Variants in SNTG1 observed in about 807,000 individuals in gnomAD.
SNTG1 encodes the protein syntrophin gamma 1, also known as gamma-1-syntrophin.
Under a neutral mutation model 74.7 loss-of-function variants are expected in SNTG1, and 39 were observed. The observed-to-expected ratio is 0.52, with a 90% CI of 0.40 to 0.68. The LOEUF (loss-of-function observed/expected upper bound fraction) is 0.68, where lower values mean the gene tolerates loss of function less well. SNTG1 is among the 30% of genes least tolerant of loss of function. The pLI, the probability that SNTG1 is intolerant of heterozygous loss-of-function variation, is 0.00. For missense variants in SNTG1, 685 were observed against 609.5 expected (o/e 1.12, Z -1.30); for synonymous variants, 254 against 217.1 (o/e 1.17, Z -1.49).
intron 2 of SNTG1, among the ~76,000 whole-genome samples, chr8:50,342,715 T>C (rs1204258990): frequency 2.0e-5 from 3 of 152,150 alleles, no homozygotes; most frequent in Non-Finnish European, 4.4e-5. Context: ...AGAGGACTAC[T>C]CTTCAAATAA....
At chr8:50,747,402 G>T (rs185709741) in intron 17 of SNTG1, among the ~76,000 whole-genome samples, 365 of 149,842 alleles carry the variant, frequency 2.4e-3, no homozygotes, top group Non-Finnish European at 4.5e-3. Flanking sequence ...AACTAAGGGT[G>T]CCTCAGAAAT....
chr8:50,364,908 T>A (rs1475284697), intron 2 of SNTG1, among the ~76,000 whole-genome samples: 1 of 152,078 alleles, frequency 6.6e-6, no homozygotes. Context: ...AATATAATTT[T>A]ATTTTTTCAA....
chr8:50,699,435 G>T (rs903386650), intron 15 of SNTG1, among the ~76,000 whole-genome samples: 1 of 152,052 alleles, frequency 6.6e-6, no homozygotes, highest in Non-Finnish European at 1.5e-5. Context: ...TATGTGCAAA[G>T]TGTGATTGTC....
intron 1 of SNTG1, among the ~76,000 whole-genome samples, chr8:49,950,577 A>G (rs1356231081): frequency 6.6e-6 from 1 of 152,232 alleles, no homozygotes; most frequent in Non-Finnish European, 1.5e-5. Flanking sequence ...TATACTAATT[A>G]CTGTGCTAAT....
chr8:50,387,862 G>C (rs1169281551), intron 2 of SNTG1, among the ~76,000 whole-genome samples: 3 of 152,062 alleles, frequency 2.0e-5, no homozygotes, highest in Non-Finnish European at 2.9e-5. Context: ...TTGTTTTTAG[G>C]ACAACCACCT....
chr8:50,679,559 C>A (rs7844242), intron 15 of SNTG1, among the ~76,000 whole-genome samples: 9,020 of 152,016 alleles, frequency 0.059, 874 homozygotes, highest in African/African-American at 0.21. Flanking sequence ...TAAATGCTAC[C>A]CTTGAAGTGA....
intron 13 of SNTG1, among the ~76,000 whole-genome samples, chr8:50,615,173 G>C (rs1419757085): frequency 6.6e-6 from 1 of 152,040 alleles, no homozygotes; most frequent in African/African-American, 2.4e-5. Context: ...GTTTAGCCAG[G>C]ATGGTCTCGA....
Position 50,461,156 on chromosome 8 carries a change from G to GGTGTGTGT in SNTG1, c.363+10469_363+10476dup, listed in dbSNP as rs71233496. 3.6e-3 allele frequency among the ~76,000 whole-genome samples: 441 copies of GGTGTGTGT among 124,162 alleles called. 2 individuals are homozygous for GGTGTGTGT. Among genetic ancestry groups the GGTGTGTGT allele is most frequent in the African/African-American group, 8.2e-3 (273 of 33,186 alleles). 81.5% of individuals were successfully genotyped at this position (124,162 alleles called of 152,430 possible). On this transcript the variant is annotated intron_variant, in intron 8 of 18. Transcript: ENST00000642720. ...AATGTCCTTCAGCTGAGATTTTTCT[G>GGTGTGTGT]GTGTGTGTGTGTGTGTGTGTGTGTG...
intron 2 of SNTG1, among the ~76,000 whole-genome samples, chr8:50,188,465 C>T (rs1002258656): frequency 2.0e-5 from 3 of 152,124 alleles, no homozygotes; most frequent in African/African-American, 4.8e-5. Context: ...AGTACGTGCA[C>T]ATCATTCAGA....
chr8:50,069,615 T>G (rs3081431), intron 1 of SNTG1, among the ~76,000 whole-genome samples: 2 of 83,528 alleles, frequency 2.4e-5, no homozygotes, highest in Admixed American at 1.3e-4. Flanking sequence ...TTTTTTTTTT[T>G]TTTTTTTGCT....
At chr8:50,531,301 A>T (rs1238223641) in intron 10 of SNTG1, among the ~76,000 whole-genome samples, 1 of 151,772 alleles carries the variant, frequency 6.6e-6, no homozygotes, top group East Asian at 1.9e-4. Context: ...CTTCAGCTGG[A>T]TATATTTCAT....
intron 2 of SNTG1, among the ~76,000 whole-genome samples, chr8:50,173,151 T>C (rs1223716500): frequency 1.3e-5 from 2 of 151,798 alleles, no homozygotes; most frequent in Non-Finnish European, 1.5e-5. Context: ...GAGGAAGGAG[T>C]GAATGAGGTG....
At chr8:50,735,725 C>T (rs1457864137) in intron 17 of SNTG1, among the ~76,000 whole-genome samples, 3 of 151,944 alleles carry the variant, frequency 2.0e-5, no homozygotes, top group Non-Finnish European at 4.4e-5. Flanking sequence ...AGAACTTCCC[C>T]AACCTAGCAA....
intron 17 of SNTG1, among the ~76,000 whole-genome samples, chr8:50,717,319 A>G (rs2095477461): frequency 6.6e-6 from 1 of 151,834 alleles, no homozygotes; most frequent in African/African-American, 2.4e-5. Context: ...AACTTTTCTC[A>G]TCGTATTTTA....
At chr8:50,669,719 C>G (rs1456375085) in intron 15 of SNTG1, among the ~76,000 whole-genome samples, 1 of 152,120 alleles carries the variant, frequency 6.6e-6, no homozygotes, top group Admixed American at 6.6e-5. Context: ...GATACAAAAG[C>G]CTGGCAGAGA....
intron 8 of SNTG1, among the ~76,000 whole-genome samples, chr8:50,464,153 A>G (rs921187295): frequency 5.3e-5 from 8 of 152,120 alleles, no homozygotes; most frequent in Non-Finnish European, 1.2e-4. Flanking sequence ...GGCTGGTTAG[A>G]TCTATTCAGA....
chr8:50,415,080 G>T (rs2092998166), intron 4 of SNTG1, among the ~76,000 whole-genome samples: 1 of 152,088 alleles, frequency 6.6e-6, no homozygotes, highest in African/African-American at 2.4e-5. Context: ...AATTTGAGCT[G>T]CATAAATAAT....
intron 15 of SNTG1, 23 bp downstream of exon 15, chr8:50,658,686 A>T: frequency 6.4e-7 from 1 of 1,552,542 alleles, no homozygotes; most frequent in Non-Finnish European, 8.8e-7. Flanking sequence ...TGTAGTCAGT[A>T]TTTGAATGGC....
chr8:50,372,960 A>G (rs2092301302), intron 2 of SNTG1, among the ~76,000 whole-genome samples: 1 of 152,214 alleles, frequency 6.6e-6, no homozygotes, highest in African/African-American at 2.4e-5. Context: ...GTTATACTGA[A>G]AAATATTTTC....
Sources: gnomAD v4.1 joint callset for allele counts (sites outside exome capture counted in the v4.1 genomes callset) on GRCh38, gnomAD v4.1.1 for gene constraint, MANE v1.5 for transcripts, NCBI Gene and HGNC (gene_info 2026-07-23, HGNC 2026-07-21) for gene names.